NDRG3: variants seen among roughly 807,000 people sequenced by gnomAD.
NDRG3 encodes the protein NDRG family member 3.
In NDRG3, 23 loss-of-function variants were observed where a neutral mutation model predicts 57.2. The ratio of observed to expected loss-of-function variants is 0.40; its 90% CI spans 0.29 to 0.57. NDRG3 has a LOEUF of 0.57. Ranked by LOEUF, NDRG3 falls within the 20% of genes least tolerant of loss-of-function variation. NDRG3 has a pLI of 0.42. For missense variants in NDRG3, 384 were observed against 457.3 expected, an observed-to-expected ratio of 0.84 and a Z score of 1.46; for synonymous variants, 132 against 162.6, an observed-to-expected ratio of 0.81 and a Z score of 1.43.
chr20:36,655,813 G>A (rs764519009), intron 15 of NDRG3, among the ~76,000 whole-genome samples: 4 of 152,026 alleles, frequency 2.6e-5, no homozygotes, highest in Middle Eastern at 3.2e-3. Context: ...TCTATAAATT[G>A]GCACTAATAA....
chr20:36,655,236 C>T (rs1978553216), intron 15 of NDRG3, among the ~76,000 whole-genome samples: 1 of 152,216 alleles, frequency 6.6e-6, no homozygotes, highest in Admixed American at 6.5e-5. Flanking sequence ...TGAGACAAGA[C>T]ATACATGGTC....
rs576143211 is a variant in NDRG3 at position 36,745,490 on chromosome 20, G to A, written c.-49+555C>T. Among the ~76,000 whole-genome samples, 22 of 152,280 alleles carry A rather than the reference G, an allele frequency of 1.4e-4. No homozygotes were observed. In the South Asian group the frequency reaches 4.6e-3, roughly 32 times the overall value. ...TGTCAGCTGCGTGACCTTGGGCATG[G>A]CACTTCACCTTTCCGTGCCTCAGTT... On this transcript the variant is annotated intron_variant, in intron 1 of 15. Transcript: ENST00000349004.
intron 2 of NDRG3, among the ~76,000 whole-genome samples, chr20:36,721,216 A>G (rs1348067516): frequency 6.6e-6 from 1 of 152,070 alleles, no homozygotes; most frequent in East Asian, 1.9e-4. Context: ...AAGGGGGGAA[A>G]CATCAAAAAG....
intron 5 of NDRG3, 30 bp downstream of exon 5, chr20:36,687,462 G>A (rs749323784): frequency 2.3e-5 from 37 of 1,608,114 alleles, no homozygotes; most frequent in Non-Finnish European, 2.8e-5. Context: ...CTGAGTGCAC[G>A]TCTCCCAGAT....
At position 36,666,349 on chromosome 20, in the gene NDRG3, A is replaced by G. The variant is rs1979631715; in HGVS notation, c.632T>C (p.Met211Thr). 2 of 1,614,182 alleles carry G rather than the reference A, an allele frequency of 1.2e-6. No individual in the cohort carries two copies. The highest frequency in any genetic ancestry group is 1.7e-5 in the Admixed American group (1 of 60,024). ...TTGGTTGATGTCTTGGGCAATATGC[A>G]TTCTGTAGGTTTGGATCAGGTCCAG... Reference protein sequence around the residue: ...ANLDLIQTYRMHIAQDINQDN... With the variant: ...ANLDLIQTYRTHIAQDINQDN... The change falls in exon 10 of 16, where the codon ATG becomes ACG. Residue 211 changes from methionine to threonine, a missense_variant. Coordinates refer to ENST00000349004, the MANE Select transcript of NDRG3 (RefSeq NM_032013.4).
chr20:36,742,983 T>C (rs1032996487), intron 1 of NDRG3, among the ~76,000 whole-genome samples: 1 of 152,142 alleles, frequency 6.6e-6, no homozygotes, highest in Non-Finnish European at 1.5e-5. Context: ...ACAGTAAAAA[T>C]TGTGATTACT....
chr20:36,668,422 G>A (rs944986256), intron 9 of NDRG3: 6 of 152,034 alleles, frequency 3.9e-5, no homozygotes, highest in Admixed American at 1.3e-4. Flanking sequence ...TAGTACAAAC[G>A]TATTTTTAAT....
chr20:36,694,207 AAGGGGAGGC>A (rs1338395077), intron 3 of NDRG3, among the ~76,000 whole-genome samples: 6 of 152,108 alleles, frequency 3.9e-5, no homozygotes, highest in African/African-American at 9.7e-5. Context: ...GAGGAGGTGA[AAGGGGAGGC>A]AGGGGAGGCA....
chr20:36,732,616 G>A (rs1985348990), intron 1 of NDRG3, among the ~76,000 whole-genome samples: 1 of 152,086 alleles, frequency 6.6e-6, no homozygotes, highest in Admixed American at 6.6e-5. Flanking sequence ...TGATCCTGAA[G>A]CTCCCTGTAG....
At chr20:36,678,659 G>A (rs575994455) in intron 8 of NDRG3, among the ~76,000 whole-genome samples, 5 of 152,252 alleles carry the variant, frequency 3.3e-5, no homozygotes, top group Non-Finnish European at 5.9e-5. Context: ...CAGCCTGGGC[G>A]ACAAGAGCGA....
At chr20:36,720,782 T>G (rs1312175493) in intron 2 of NDRG3, among the ~76,000 whole-genome samples, 7 of 151,414 alleles carry the variant, frequency 4.6e-5, no homozygotes, top group Non-Finnish European at 7.4e-5. Context: ...TCTTTTTTTT[T>G]TTTTTTGAGA....
rs997004797 is a variant in NDRG3, at chr20:36,684,591, T to C, written c.321-116A>G. 12 of 871,220 alleles carry C rather than the reference T, an allele frequency of 1.4e-5. 1 individual carries two copies. In the South Asian group the frequency reaches 1.8e-4, roughly 13 times the overall value. 54.0% of individuals were successfully genotyped at this position (871,220 alleles called of 1,614,324 possible). On this transcript the variant is annotated intron_variant, in intron 5 of 15. Coordinates refer to ENST00000349004, the MANE Select transcript of NDRG3 (RefSeq NM_032013.4). ...AAGGCTGAGCGCAGTAGCTCATGCC[T>C]ATAATCCCAGCACTTTGGGACACCG...
intron 2 of NDRG3, among the ~76,000 whole-genome samples, chr20:36,721,009 C>T (rs2148196373): frequency 6.6e-6 from 1 of 151,902 alleles, no homozygotes; most frequent in Admixed American, 6.6e-5. Flanking sequence ...CTCCTGACCT[C>T]AAGTGATCCA....
intron 1 of NDRG3, among the ~76,000 whole-genome samples, chr20:36,744,083 TA>T (rs1207891794): frequency 6.6e-6 from 1 of 151,666 alleles, no homozygotes; most frequent in African/African-American, 2.4e-5. Flanking sequence ...TGTTATTTTT[TA>T]GTACAGACGG....
At chr20:36,705,076 T>C (rs756844824) in intron 3 of NDRG3, among the ~76,000 whole-genome samples, 10 of 151,948 alleles carry the variant, frequency 6.6e-5, no homozygotes, top group Non-Finnish European at 8.8e-5. Flanking sequence ...TCCCAGCACT[T>C]TGGGAGGCTG....
At chr20:36,664,954 G>T in intron 12 of NDRG3, 92 bp downstream of exon 12, 1 of 1,292,562 alleles carries the variant, frequency 7.7e-7, no homozygotes, top group South Asian at 1.2e-5. Flanking sequence ...CTCTCAAAGT[G>T]TTGGGAATAC....
chr20:36,672,010 C>T (rs984199675), intron 8 of NDRG3, among the ~76,000 whole-genome samples: 2 of 152,250 alleles, frequency 1.3e-5, no homozygotes, highest in Admixed American at 1.3e-4. Context: ...CTGTTTGCTA[C>T]TTTATTCCTG....
chr20:36,690,198 G>A (rs1216405587), intron 3 of NDRG3, among the ~76,000 whole-genome samples: 1 of 152,196 alleles, frequency 6.6e-6, no homozygotes, highest in Non-Finnish European at 1.5e-5. Flanking sequence ...GGGTGAGTTT[G>A]TACCCTCTAC....
At chr20:36,661,980 T>C (rs967292829) in intron 12 of NDRG3, among the ~76,000 whole-genome samples, 1 of 152,108 alleles carries the variant, frequency 6.6e-6, no homozygotes, top group Non-Finnish European at 1.5e-5. Flanking sequence ...GACAAACAAA[T>C]GTACCCGTTC....
Sources: gnomAD v4.1 joint callset for allele counts (sites outside exome capture counted in the v4.1 genomes callset) on GRCh38, gnomAD v4.1.1 for gene constraint, MANE v1.5 for transcripts, NCBI Gene and HGNC (gene_info 2026-07-23, HGNC 2026-07-21) for gene names.